NAALADL2: variants seen among roughly 807,000 people sequenced by gnomAD.
NAALADL2 encodes the protein inactive N-acetylated-alpha-linked acidic dipeptidase-like protein 2.
Under a neutral mutation model 87.2 loss-of-function variants are expected in NAALADL2, and 76 were observed. The observed-to-expected ratio is 0.87, with a 90% CI of 0.72 to 1.05. NAALADL2 has a LOEUF of 1.05. Among genes scored for constraint, NAALADL2 ranks in the 50% least tolerant of loss-of-function variants. The pLI, the probability that NAALADL2 is intolerant of heterozygous loss-of-function variation, is 0.00. For synonymous variants in NAALADL2, 354 were observed against 331.0 expected (o/e 1.07, Z -0.75); for missense variants, 1,089 against 945.8 (o/e 1.15, Z -1.99).
At chr3:175,215,373 C>G (rs1323570355) in intron 2 of NAALADL2, among the ~76,000 whole-genome samples, 1 of 152,140 alleles carries the variant, frequency 6.6e-6, no homozygotes, top group Non-Finnish European at 1.5e-5. Flanking sequence ...TTGTCTCCTC[C>G]CACGATAGCA....
rs1384333166 is a variant in NAALADL2 at position 174,867,287 on chromosome 3, CACTT to C, written c.43+7840_43+7843del. 5.9e-5 allele frequency among the ~76,000 whole-genome samples: 9 copies of C among 152,000 alleles called. No individual in the cohort carries two copies. The East Asian group carries it at 1.7e-3, about 29-fold the overall frequency. ...ACACACCAAGCTGATCCGCTATTAA[CACTT>C]ACATGTTTTGGTTGTTTCTGCTGAA... On this transcript the variant is annotated intron_variant, in intron 1 of 13. Coordinates refer to ENST00000454872, the MANE Select transcript of NAALADL2 (RefSeq NM_207015.3).
At chr3:174,554,775 T>C (rs1417210794) in intron 2 of NAALADL2, among the ~76,000 whole-genome samples, 1 of 152,206 alleles carries the variant, frequency 6.6e-6, no homozygotes. Context: ...ATAATTTTTT[T>C]CCTTTATGTT....
At chr3:175,146,313 A>G (rs1054689398) in intron 2 of NAALADL2, among the ~76,000 whole-genome samples, 1 of 152,104 alleles carries the variant, frequency 6.6e-6, no homozygotes, top group Admixed American at 6.6e-5. Context: ...GTGGAAAACA[A>G]TGGAAAATGA....
intron 10 of NAALADL2, among the ~76,000 whole-genome samples, chr3:175,578,753 G>C (rs1339546982): frequency 7.2e-5 from 11 of 152,306 alleles, no homozygotes; most frequent in Non-Finnish European, 4.4e-5. Flanking sequence ...GCAAGAGATA[G>C]TCTATCAATA....
At chr3:174,601,044 C>T (rs936805506) in intron 2 of NAALADL2, among the ~76,000 whole-genome samples, 11 of 152,100 alleles carry the variant, frequency 7.2e-5, no homozygotes, top group East Asian at 5.8e-4. Flanking sequence ...TACATCACTT[C>T]GAGGATCTAT....
chr3:175,013,083 CATATTT>C (rs1448739651), intron 1 of NAALADL2, among the ~76,000 whole-genome samples: 1 of 67,778 alleles, frequency 1.5e-5, no homozygotes, highest in Non-Finnish European at 2.3e-5. Context: ...ATATGTAATA[CATATTT>C]ATATATAAAT....
intron 11 of NAALADL2, among the ~76,000 whole-genome samples, chr3:175,735,960 A>C (rs1460080855): frequency 6.6e-6 from 1 of 152,140 alleles, no homozygotes; most frequent in African/African-American, 2.4e-5. Flanking sequence ...TCATTCACTA[A>C]CCACATTTCA....
intron 2 of NAALADL2, among the ~76,000 whole-genome samples, chr3:175,140,974 T>C (rs192836054): frequency 6.6e-6 from 1 of 152,228 alleles, no homozygotes; most frequent in Non-Finnish European, 1.5e-5. Flanking sequence ...GTGGATAATT[T>C]TAAAAAATAA....
At chr3:174,574,674 C>T (rs961458746) in intron 2 of NAALADL2, among the ~76,000 whole-genome samples, 11 of 152,074 alleles carry the variant, frequency 7.2e-5, no homozygotes, top group Non-Finnish European at 7.4e-5. Flanking sequence ...TTCCTCACTT[C>T]ATTAAGTTTT....
intron 1 of NAALADL2, among the ~76,000 whole-genome samples, chr3:174,955,601 G>A (rs577054260): frequency 2.6e-5 from 4 of 152,132 alleles, no homozygotes; most frequent in African/African-American, 9.6e-5. Context: ...TTTGCTAGAG[G>A]GAGTGGTATG....
chr3:175,015,640 T>C (rs981173061), intron 1 of NAALADL2, among the ~76,000 whole-genome samples: 38 of 152,114 alleles, frequency 2.5e-4, no homozygotes, highest in Admixed American at 2.2e-3. Context: ...AAGAAGGAAA[T>C]TGAAAATATA....
chr3:175,426,907 T>C (rs1488779335), intron 5 of NAALADL2, among the ~76,000 whole-genome samples: 1 of 152,168 alleles, frequency 6.6e-6, no homozygotes, highest in East Asian at 1.9e-4. Flanking sequence ...AATTCCATTC[T>C]TCACTTTGTG....
intron 3 of NAALADL2, among the ~76,000 whole-genome samples, chr3:174,750,914 A>G (rs1433183567): frequency 6.6e-6 from 1 of 152,018 alleles, no homozygotes; most frequent in Non-Finnish European, 1.5e-5. Context: ...TTTTTCTCTC[A>G]GTATGTTTGA....
chr3:175,386,326 A>G (rs1268197849), intron 5 of NAALADL2, among the ~76,000 whole-genome samples: 4 of 151,910 alleles, frequency 2.6e-5, no homozygotes, highest in Non-Finnish European at 5.9e-5. Flanking sequence ...TTCACAGTAC[A>G]GTTGTTGCTG....
At chr3:174,451,370 C>G (rs1715468601) in intron 1 of NAALADL2, among the ~76,000 whole-genome samples, 2 of 152,068 alleles carry the variant, frequency 1.3e-5, no homozygotes, top group African/African-American at 2.4e-5. Context: ...TTTAGTTGCT[C>G]AGTATCAAAT....
intron 1 of NAALADL2, among the ~76,000 whole-genome samples, chr3:174,512,057 A>T (rs1256137170): frequency 1.3e-5 from 2 of 151,994 alleles, no homozygotes; most frequent in African/African-American, 2.4e-5. Flanking sequence ...ATGCTTTATC[A>T]TACATTTGTC....
intron 1 of NAALADL2, among the ~76,000 whole-genome samples, chr3:174,903,985 T>TCTATA (rs1560345336): frequency 4.7e-5 from 6 of 128,448 alleles, no homozygotes; most frequent in African/African-American, 7.0e-5. Context: ...CTATATCTAT[T>TCTATA]TCTATATCTA....
At chr3:175,775,942 GCTTT>G (rs1341492352) in intron 13 of NAALADL2, among the ~76,000 whole-genome samples, 1 of 152,068 alleles carries the variant, frequency 6.6e-6, no homozygotes, top group Non-Finnish European at 1.5e-5. Flanking sequence ...AGCTACAGGA[GCTTT>G]CTGTCTTTTT....
chr3:174,738,254 T>C (rs1022172319), intron 3 of NAALADL2, among the ~76,000 whole-genome samples: 1 of 152,210 alleles, frequency 6.6e-6, no homozygotes, highest in Admixed American at 6.5e-5. Flanking sequence ...TCATACATTA[T>C]GGCTTAATAC....
Sources: gnomAD v4.1 joint callset for allele counts (sites outside exome capture counted in the v4.1 genomes callset) on GRCh38, gnomAD v4.1.1 for gene constraint, MANE v1.5 for transcripts, NCBI Gene and HGNC (gene_info 2026-07-23, HGNC 2026-07-21) for gene names.